PRKG1: variants seen among roughly 807,000 people sequenced by gnomAD.
PRKG1 encodes the protein protein kinase cGMP-dependent 1.
Under a neutral mutation model 88.1 loss-of-function variants are expected in PRKG1, and 35 were observed. That is an observed-to-expected ratio of 0.40 (90% CI 0.30 to 0.53). PRKG1 has a LOEUF of 0.53. Among genes scored for constraint, PRKG1 ranks in the 20% least tolerant of loss-of-function variants. The pLI, the probability that PRKG1 is intolerant of heterozygous loss-of-function variation, is 0.59. For missense variants in PRKG1, 540 were observed against 839.8 expected (o/e 0.64, Z 4.41); for synonymous variants, 303 against 292.5 (o/e 1.04, Z -0.37).
At chr10:51,499,213 T>A (rs548729294) in intron 3 of PRKG1, among the ~76,000 whole-genome samples, 1 of 152,158 alleles carries the variant, frequency 6.6e-6, no homozygotes, top group Non-Finnish European at 1.5e-5. Context: ...GTCAGTGCTG[T>A]GGTCAAAGAT....
intron 3 of PRKG1, among the ~76,000 whole-genome samples, chr10:51,477,527 T>G (rs1015972123): frequency 2.6e-5 from 4 of 151,846 alleles, no homozygotes; most frequent in Non-Finnish European, 4.4e-5. Context: ...AACAATTTAA[T>G]GTTCCTGGGC....
intron 2 of PRKG1, among the ~76,000 whole-genome samples, chr10:51,193,527 G>A (rs553447311): frequency 3.3e-5 from 5 of 152,004 alleles, no homozygotes; most frequent in South Asian, 4.2e-4. Context: ...GATCATCTGC[G>A]CCATCAGTGC....
chr10:51,199,788 C>T (rs1236774180), intron 2 of PRKG1, among the ~76,000 whole-genome samples: 1 of 152,120 alleles, frequency 6.6e-6, no homozygotes, highest in African/African-American at 2.4e-5. Flanking sequence ...TAATTCTCTC[C>T]CTTTGACGCT....
intron 4 of PRKG1, among the ~76,000 whole-genome samples, chr10:51,831,931 G>A (rs1840016451): frequency 6.6e-6 from 1 of 151,478 alleles, no homozygotes; most frequent in South Asian, 2.1e-4. Context: ...CTAGTTGGTG[G>A]GATTATGGAT....
At chr10:52,046,227 T>C (rs1303099171) in intron 5 of PRKG1, among the ~76,000 whole-genome samples, 1 of 152,074 alleles carries the variant, frequency 6.6e-6, no homozygotes, top group Non-Finnish European at 1.5e-5. Flanking sequence ...AAAAATAAAT[T>C]CATTTCTATT....
At chr10:51,095,938 T>A (rs978140125) in intron 1 of PRKG1, among the ~76,000 whole-genome samples, 9 of 152,162 alleles carry the variant, frequency 5.9e-5, no homozygotes, top group African/African-American at 1.9e-4. Flanking sequence ...TTAGATGTAT[T>A]GTTTTTACCT....
intron 5 of PRKG1, among the ~76,000 whole-genome samples, chr10:51,914,642 T>A (rs1842298638): frequency 1.3e-5 from 2 of 152,202 alleles, no homozygotes; most frequent in South Asian, 4.1e-4. Context: ...TTTAAAACAT[T>A]TGATTAGATT....
At chr10:52,223,244 T>C (rs552875290) in intron 9 of PRKG1, among the ~76,000 whole-genome samples, 1 of 152,150 alleles carries the variant, frequency 6.6e-6, no homozygotes, top group South Asian at 2.1e-4. Flanking sequence ...CCTCCCATCC[T>C]CTCCCGGAGC....
chr10:52,195,225 C>T (rs980815695), intron 9 of PRKG1, among the ~76,000 whole-genome samples: 1 of 19,234 alleles, frequency 5.2e-5, no homozygotes, highest in African/African-American at 2.1e-4. Flanking sequence ...TTCATGTTTC[C>T]TGTTTTTGTT....
At chr10:51,912,085 C>G (rs1842230797) in intron 5 of PRKG1, among the ~76,000 whole-genome samples, 1 of 152,162 alleles carries the variant, frequency 6.6e-6, no homozygotes, top group Admixed American at 6.5e-5. Context: ...GGGAAGAACT[C>G]TCTGAGGAGG....
In PRKG1 at chr10:52,293,854, A is replaced by G; in HGVS notation, c.2015A>G (p.Asp672Gly). The change falls in exon 18 of 18, where the codon GAT becomes GGT. Residue 672 changes from aspartate (D) to glycine (G), a missense_variant. Physicochemically the swap from Asp to Gly is moderately conservative, Grantham distance 94. Coordinates refer to ENST00000373980, the MANE Select transcript of PRKG1 (RefSeq NM_006258.4). ...SNFDSFPEDN[D>G]EPPPDDNSGW... The stretch of plus-strand genomic sequence containing the variant: ...TTTGACAGTTTCCCTGAGGACAACG[A>G]TGAACCACCACCTGATGACAACTCA... The G allele has an allele frequency of 6.2e-7, 1 of 1,613,328 alleles. No individual in the cohort carries two copies. The highest frequency in any genetic ancestry group is 8.5e-7 in the Non-Finnish European group (1 of 1,179,392).
intron 3 of PRKG1, among the ~76,000 whole-genome samples, chr10:51,605,691 A>G (rs1004962362): frequency 6.6e-6 from 1 of 152,182 alleles, no homozygotes; most frequent in Non-Finnish European, 1.5e-5. Context: ...TTTGGTAAAC[A>G]TTTAAAGTGT....
At chr10:51,293,390 G>A (rs1431831055) in intron 2 of PRKG1, among the ~76,000 whole-genome samples, 1 of 151,936 alleles carries the variant, frequency 6.6e-6, no homozygotes, top group Non-Finnish European at 1.5e-5. Flanking sequence ...CTGTTAACCA[G>A]CTCCTGGCAA....
At chr10:51,847,748 T>C (rs1050228256) in intron 4 of PRKG1, among the ~76,000 whole-genome samples, 1 of 145,708 alleles carries the variant, frequency 6.9e-6, no homozygotes, top group African/African-American at 2.5e-5. Flanking sequence ...TGGTAGTGCA[T>C]GCCTGTAGTC....
intron 3 of PRKG1, among the ~76,000 whole-genome samples, chr10:51,548,656 AACT>A (rs1253772867): frequency 6.6e-6 from 1 of 152,148 alleles, no homozygotes; most frequent in Non-Finnish European, 1.5e-5. Flanking sequence ...CTATTTCATA[AACT>A]ACTTCAAAAG....
chr10:51,430,865 G>T (rs1334936833), intron 2 of PRKG1, among the ~76,000 whole-genome samples: 1 of 152,212 alleles, frequency 6.6e-6, no homozygotes, highest in Non-Finnish European at 1.5e-5. Context: ...ATAATTTTAT[G>T]TATTGGCAAT....
chr10:52,221,808 A>C (rs1248186201), intron 9 of PRKG1, among the ~76,000 whole-genome samples: 3 of 152,218 alleles, frequency 2.0e-5, no homozygotes, highest in Admixed American at 1.3e-4. Context: ...AAAATAAGAC[A>C]GTTTCTTAAT....
rs977574687 is a variant in PRKG1, at chr10:51,849,886, A to C, written c.698+45196A>C. ...AATTTTAGTAGTTTTTTTAAAAAAG[A>C]TCAAGGACACAAACTAGAAAGTCCA... On this transcript the variant is annotated intron_variant, in intron 4 of 17. Coordinates refer to ENST00000373980, the MANE Select transcript of PRKG1 (RefSeq NM_006258.4). Among the ~76,000 whole-genome samples, 5 of 152,272 alleles carry C rather than the reference A, an allele frequency of 3.3e-5. No individual in the cohort carries two copies. In the East Asian group the frequency reaches 9.6e-4, roughly 29 times the overall value.
intron 2 of PRKG1, among the ~76,000 whole-genome samples, chr10:51,272,679 C>G (rs1269837681): frequency 6.6e-6 from 1 of 152,146 alleles, no homozygotes; most frequent in South Asian, 2.1e-4. Context: ...GGGTGAACAT[C>G]TGCAGCAGCA....
Sources: gnomAD v4.1 joint callset for allele counts (sites outside exome capture counted in the v4.1 genomes callset) on GRCh38, gnomAD v4.1.1 for gene constraint, MANE v1.5 for transcripts, NCBI Gene and HGNC (gene_info 2026-07-23, HGNC 2026-07-21) for gene names.